CARMIL1: variants seen among roughly 807,000 people sequenced by gnomAD.
The protein encoded by CARMIL1 is capping protein regulator and myosin 1 linker 1.
A neutral mutation model predicts 177.1 loss-of-function variants in CARMIL1; 90 were observed. The observed-to-expected ratio is 0.51, with a 90% confidence interval of 0.43 to 0.61. The LOEUF is 0.61. Ranked by LOEUF, CARMIL1 falls within the 20% of genes least tolerant of loss-of-function variation. CARMIL1 has a pLI of 0.00. For missense variants in CARMIL1, 1,380 were observed against 1,667.0 expected (o/e 0.83, Z 3.00); for synonymous variants, 577 against 606.2 (o/e 0.95, Z 0.71).
chr6:25,317,843 A>G (rs1784397316), intron 2 of CARMIL1, among the ~76,000 whole-genome samples: 2 of 151,904 alleles, frequency 1.3e-5, no homozygotes, highest in African/African-American at 4.8e-5. Context: ...GAGATTACAG[A>G]CGTGAGCCAC....
intron 2 of CARMIL1, among the ~76,000 whole-genome samples, chr6:25,390,807 C>T (rs540094764): frequency 3.3e-5 from 5 of 152,330 alleles, no homozygotes; most frequent in Admixed American, 1.3e-4. Context: ...TCTCCTGCCT[C>T]AGCCTTCCCA....
chr6:25,399,935 C>G (rs926853625), intron 2 of CARMIL1, among the ~76,000 whole-genome samples: 2 of 152,130 alleles, frequency 1.3e-5, no homozygotes, highest in Non-Finnish European at 2.9e-5. Flanking sequence ...CTTCACGACA[C>G]TTATAGGAGG....
chr6:25,340,346 A>G (rs1786774646), intron 2 of CARMIL1, among the ~76,000 whole-genome samples: 1 of 152,200 alleles, frequency 6.6e-6, no homozygotes, highest in Non-Finnish European at 1.5e-5. Flanking sequence ...AATGATTGCT[A>G]TTTTTGAACC....
At chr6:25,517,503 T>G (rs1806118926) in intron 22 of CARMIL1, 88 bp downstream of exon 22, 1 of 963,432 alleles carries the variant, frequency 1.0e-6, no homozygotes, top group African/African-American at 1.6e-5. Context: ...TAGAATCAAC[T>G]GTTTATTGGG....
At position 25,420,350 on chromosome 6, in the gene CARMIL1, G is replaced by A. The variant is rs1795746192; in HGVS notation, c.189+186G>A. The A allele has an allele frequency of 1.8e-5, 11 of 606,570 alleles. No homozygotes were observed. In the East Asian group the frequency reaches 2.3e-4, roughly 13 times the overall value. 37.6% of individuals were successfully genotyped at this position (606,570 alleles called of 1,614,324 possible). On this transcript the variant is annotated intron_variant, in intron 3 of 36. Transcript: ENST00000329474. ...TTCAGATTTCTCTTAGCACATTCAA[G>A]TTTTCCTTCCTTCTTCCCAGAAGCA... is the stretch of plus-strand genomic sequence containing the variant.
At chr6:25,562,693 A>T (rs1469798193) in intron 29 of CARMIL1, among the ~76,000 whole-genome samples, 1 of 152,184 alleles carries the variant, frequency 6.6e-6, no homozygotes, top group African/African-American at 2.4e-5. Context: ...CAGGTAACAG[A>T]GCAGGCTTCA....
At chr6:25,599,956 A>T (rs767875020) in intron 32 of CARMIL1, among the ~76,000 whole-genome samples, 1 of 151,974 alleles carries the variant, frequency 6.6e-6, no homozygotes, top group Non-Finnish European at 1.5e-5. Context: ...TTATGCCTGG[A>T]TTGTTTTAAG....
chr6:25,606,875 A>G (rs751932492), intron 35 of CARMIL1, among the ~76,000 whole-genome samples: 32 of 152,308 alleles, frequency 2.1e-4, no homozygotes, highest in Admixed American at 2.6e-4. Flanking sequence ...TGCAAAGTGT[A>G]AAATATTTAC....
At chr6:25,315,356 C>CTGCT (rs59387077) in intron 2 of CARMIL1, among the ~76,000 whole-genome samples, 74 of 152,350 alleles carry the variant, frequency 4.9e-4, no homozygotes, top group African/African-American at 1.8e-3. Flanking sequence ...TCCTCATTTA[C>CTGCT]TGCTCACTGT....
chr6:25,576,006 A>G (rs1313200879), intron 29 of CARMIL1, among the ~76,000 whole-genome samples: 2 of 152,180 alleles, frequency 1.3e-5, no homozygotes, highest in Non-Finnish European at 2.9e-5. Context: ...GGCCTTCCTC[A>G]GGAGGTTTGG....
chr6:25,489,002 T>TA (rs1163620105), intron 13 of CARMIL1, among the ~76,000 whole-genome samples: 7 of 151,918 alleles, frequency 4.6e-5, no homozygotes, highest in African/African-American at 1.5e-4. Context: ...CCATCTCTAC[T>TA]AAAAATACAA....
chr6:25,451,555 A>G lies in CARMIL1; in HGVS notation c.614+844A>G, dbSNP rs117874136. Among the ~76,000 whole-genome samples, 85 of 152,320 alleles carry G rather than the reference A, an allele frequency of 5.6e-4. No homozygotes were observed. In the East Asian group the frequency reaches 0.013, roughly 23 times the overall value. On this transcript the variant is annotated intron_variant, in intron 8 of 36. Coordinates refer to ENST00000329474, the MANE Select transcript of CARMIL1 (RefSeq NM_017640.6). ...TTAGGTTTAAGATCTTGACTTGAAT[A>G]TATTTAGGGCTATGGCTTGTGAGAT... is the stretch of plus-strand genomic sequence containing the variant.
chr6:25,616,859 A>C (rs1435436502), intron 36 of CARMIL1, among the ~76,000 whole-genome samples: 2 of 152,200 alleles, frequency 1.3e-5, no homozygotes, highest in African/African-American at 4.8e-5. Context: ...AAATGCTTTG[A>C]CCTTCAAACT....
intron 17 of CARMIL1, among the ~76,000 whole-genome samples, chr6:25,501,277 A>C (rs189080560): frequency 1.3e-5 from 2 of 150,788 alleles, no homozygotes; most frequent in Non-Finnish European, 3.0e-5. Context: ...CTTCCCCAGC[A>C]CTCCTACCAT....
chr6:25,281,779 C>A (rs896110149), intron 1 of CARMIL1, among the ~76,000 whole-genome samples: 1 of 152,048 alleles, frequency 6.6e-6, no homozygotes, highest in Admixed American at 6.6e-5. Flanking sequence ...ACATGAAAAC[C>A]TCTATATATT....
At chr6:25,500,473 T>G (rs936731420) in intron 17 of CARMIL1, among the ~76,000 whole-genome samples, 5 of 152,222 alleles carry the variant, frequency 3.3e-5, no homozygotes, top group Non-Finnish European at 5.9e-5. Context: ...TGTTCCATTC[T>G]TGGTGCCTGC....
At chr6:25,395,874 G>A (rs1375629919) in intron 2 of CARMIL1, among the ~76,000 whole-genome samples, 2 of 152,234 alleles carry the variant, frequency 1.3e-5, no homozygotes, top group Non-Finnish European at 2.9e-5. Flanking sequence ...TGTTCATGCT[G>A]TTGTGTGTTG....
chr6:25,553,102 C>T (rs1023833483), intron 27 of CARMIL1, among the ~76,000 whole-genome samples: 1 of 152,098 alleles, frequency 6.6e-6, no homozygotes, highest in Non-Finnish European at 1.5e-5. Flanking sequence ...GCAGAGAAAT[C>T]TCCATGCAAA....
Position 25,491,967 on chromosome 6 carries a change from G to T in CARMIL1, c.1163G>T (p.Arg388Leu). 2 of 1,613,558 alleles carry T rather than the reference G, an allele frequency of 1.2e-6. No homozygotes were observed. Among genetic ancestry groups the T allele is most frequent in the Non-Finnish European group, 1.7e-6 (2 of 1,179,720 alleles). ...SLDMVCGALL[R>L]GCLQYLAVLN... ...TTTCAGGTCTGTGGAGCTCTTCTCC[G>T]TGGATGCCTTCAATATTTAGCTGTG... is the stretch of plus-strand genomic sequence containing the variant. The change falls in exon 15 of 37, where the codon CGT (arginine) becomes CTT (leucine). Residue 388 changes from arginine to leucine, a missense_variant. Physicochemically the swap from Arg to Leu is moderately radical, Grantham distance 102. Transcript: ENST00000329474.
Sources: gnomAD v4.1 joint callset for allele counts (sites outside exome capture counted in the v4.1 genomes callset) on GRCh38, gnomAD v4.1.1 for gene constraint, MANE v1.5 for transcripts, NCBI Gene and HGNC (gene_info 2026-07-23, HGNC 2026-07-21) for gene names.